CLHC1: variants seen among roughly 807,000 people sequenced by gnomAD.
The protein encoded by CLHC1 is clathrin heavy chain linker domain-containing protein 1.
In CLHC1, 72 loss-of-function variants were observed where a neutral mutation model predicts 69.5. The observed-to-expected ratio is 1.04, with a 90% CI of 0.86 to 1.26. The LOEUF is 1.26. CLHC1 is among the 50% of genes most tolerant of loss of function. The pLI is 0.00. For synonymous variants in CLHC1, 223 were observed against 224.3 expected, an observed-to-expected ratio of 0.99 and a Z score of 0.05; for missense variants, 790 against 679.3, an observed-to-expected ratio of 1.16 and a Z score of -1.81.
At chr2:55,215,323 C>T (rs1003342652) in intron 4 of CLHC1, among the ~76,000 whole-genome samples, 6 of 152,268 alleles carry the variant, frequency 3.9e-5, no homozygotes, top group Non-Finnish European at 7.4e-5. Context: ...CAAATATTGT[C>T]TTTGTCCCAT....
intron 9 of CLHC1, among the ~76,000 whole-genome samples, chr2:55,205,413 ACACACACACG>A (rs1248828840): frequency 1.3e-5 from 2 of 151,406 alleles, no homozygotes; most frequent in Non-Finnish European, 2.9e-5. Context: ...ACACACACAC[ACACACACACG>A]CACACACACA....
intron 12 of CLHC1, 58 bp from the exon 13 acceptor site, chr2:55,176,044 G>C: frequency 7.3e-7 from 1 of 1,369,190 alleles, no homozygotes; most frequent in Non-Finnish European, 1.0e-6. Context: ...CTATACTTTA[G>C]TGATTCTTCA....
chr2:55,178,917 AATT>A (rs67704586), intron 11 of CLHC1, among the ~76,000 whole-genome samples: 71,476 of 144,182 alleles, frequency 0.5, 17,811 homozygotes, highest in Non-Finnish European at 0.53. Flanking sequence ...TTTTTTAAAA[AATT>A]ATTATTATTA....
intron 9 of CLHC1, among the ~76,000 whole-genome samples, chr2:55,195,435 A>T (rs1012337681): frequency 6.6e-6 from 1 of 152,222 alleles, no homozygotes; most frequent in Non-Finnish European, 1.5e-5. Flanking sequence ...TTGTTAAAAT[A>T]TCCAGGAAGG....
intron 1 of CLHC1, chr2:55,231,847 A>C (rs1338487608): frequency 6.6e-6 from 1 of 152,198 alleles, no homozygotes; most frequent in Non-Finnish European, 1.5e-5. Context: ...TTAAAATTTG[A>C]AAACTCCTGA....
In CLHC1 at chr2:55,173,245, T is replaced by G. The variant is rs974293608; in HGVS notation, c.*2545A>C. ...GAACAATTCAAATGTTAAAAGGCAT[T>G]TTTAGCAACTGGTGAAATTTGAATA... On this transcript the variant is annotated 3_prime_UTR_variant, in exon 13 of 13. Coordinates refer to ENST00000401408, the MANE Select transcript of CLHC1 (RefSeq NM_152385.4). 9.2e-5 allele frequency among the ~76,000 whole-genome samples: 14 copies of G among 152,222 alleles called. No homozygotes were observed. Among genetic ancestry groups the G allele is most frequent in the Non-Finnish European group, 1.5e-4 (10 of 68,036 alleles).
chr2:55,206,344 T>G lies in CLHC1; in HGVS notation c.932A>C (p.Glu311Ala), dbSNP rs777439807. The G allele has an allele frequency of 1.2e-6, 2 of 1,609,346 alleles. No individual in the cohort carries two copies. Among genetic ancestry groups the G allele is most frequent in the Non-Finnish European group, 1.7e-6 (2 of 1,176,276 alleles). ...GTTTGCTGCATAACAAGCTGCCTTT[T>G]CATATTCACCAAGTGAGATTAACTC... ...FNELISLGEY[E>A]KAACYAANSP... The change falls in exon 9 of 13, where the codon GAA (glutamate) becomes GCA (alanine). Residue 311 changes from glutamate to alanine, a missense_variant. By Grantham distance (107) the Glu-to-Ala change is moderately radical. Coordinates refer to ENST00000401408, the MANE Select transcript of CLHC1 (RefSeq NM_152385.4).
At chr2:55,230,905 A>G (rs1181272864) in intron 1 of CLHC1, among the ~76,000 whole-genome samples, 1 of 152,190 alleles carries the variant, frequency 6.6e-6, no homozygotes, top group African/African-American at 2.4e-5. Context: ...ATGTACAAGC[A>G]ACTCTAGGAA....
At chr2:55,201,866 G>A (rs1007733284) in intron 9 of CLHC1, among the ~76,000 whole-genome samples, 7 of 151,990 alleles carry the variant, frequency 4.6e-5, no homozygotes, top group Non-Finnish European at 1.0e-4. Flanking sequence ...ATACACAAAT[G>A]AATCAATGTA....
intron 5 of CLHC1, among the ~76,000 whole-genome samples, chr2:55,211,704 TAA>T (rs1171921538): frequency 6.6e-6 from 1 of 152,132 alleles, no homozygotes; most frequent in African/African-American, 2.4e-5. Flanking sequence ...CCAAAATCTT[TAA>T]AAGTTTGGAA....
chr2:55,196,674 T>C (rs1292070635), intron 9 of CLHC1, among the ~76,000 whole-genome samples: 1 of 152,176 alleles, frequency 6.6e-6, no homozygotes, highest in Non-Finnish European at 1.5e-5. Flanking sequence ...CCTTGGGCCC[T>C]GAATGACCAG....
intron 12 of CLHC1, among the ~76,000 whole-genome samples, chr2:55,177,131 C>A (rs909611697): frequency 5.9e-5 from 9 of 152,180 alleles, no homozygotes; most frequent in African/African-American, 1.2e-4. Flanking sequence ...CCTCAGCCCC[C>A]CAAAGTGCTG....
intron 4 of CLHC1, among the ~76,000 whole-genome samples, chr2:55,217,062 G>C (rs536061515): frequency 6.6e-6 from 1 of 152,066 alleles, no homozygotes; most frequent in Non-Finnish European, 1.5e-5. Flanking sequence ...AGGCGTGGTA[G>C]CTTGTGCCTG....
At position 55,175,907 on chromosome 2, in the gene CLHC1, CTGTG is replaced by C; in HGVS notation, c.1640_1643del (p.Ser547Ter). ...CATTAGATAATTTGTCAAAGCCATT[CTGTG>C]AACATATATTTGCCACTTCTTGCCA... On this transcript the variant is annotated frameshift_variant, in exon 13 of 13. Transcript: ENST00000401408. LOFTEE classifies it high-confidence loss of function. 1.2e-6 allele frequency: 2 copies of C among 1,614,016 alleles called. No individual in the cohort carries two copies. Among genetic ancestry groups the C allele is most frequent in the South Asian group, 2.2e-5 (2 of 91,082 alleles).
chr2:55,186,588 T>TACAACA (rs141056218), intron 9 of CLHC1, among the ~76,000 whole-genome samples: 1 of 151,782 alleles, frequency 6.6e-6, no homozygotes, highest in Non-Finnish European at 1.5e-5. Flanking sequence ...ATGTCATCTC[T>TACAACA]ACAACAACAA....
At chr2:55,180,758 G>C (rs1427073753) in intron 10 of CLHC1, 46 bp from the exon 11 acceptor site, 14 of 1,472,380 alleles carry the variant, frequency 9.5e-6, no homozygotes, top group South Asian at 1.1e-5. Flanking sequence ...AATTCCTGAT[G>C]AGTGGCTGAG....
chr2:55,226,754 C>T (rs2104127054), intron 2 of CLHC1, among the ~76,000 whole-genome samples: 1 of 152,328 alleles, frequency 6.6e-6, no homozygotes, highest in African/African-American at 2.4e-5. Flanking sequence ...GCCTTAGCCT[C>T]CCGAGTAGCT....
chr2:55,183,355 G>A (rs1026445343), intron 9 of CLHC1, among the ~76,000 whole-genome samples: 7 of 152,312 alleles, frequency 4.6e-5, no homozygotes, highest in African/African-American at 1.7e-4. Context: ...AAATAGGAAC[G>A]CCAACACAGC....
intron 11 of CLHC1, among the ~76,000 whole-genome samples, chr2:55,179,854 C>G (rs1263687940): frequency 6.6e-6 from 1 of 152,014 alleles, no homozygotes; most frequent in African/African-American, 2.4e-5. Context: ...TATTACAGTT[C>G]AAAACATTAT....
Sources: allele counts gnomAD v4.1 joint callset (sites outside exome capture counted in the v4.1 genomes callset), GRCh38; gene constraint gnomAD v4.1.1; transcripts MANE v1.5; gene names NCBI Gene and HGNC (gene_info 2026-07-23, HGNC 2026-07-21).